TANC2: variants seen among roughly 807,000 people sequenced by gnomAD.
TANC2 encodes the protein tetratricopeptide repeat, ankyrin repeat and coiled-coil containing 2.
In TANC2, 26 loss-of-function variants were observed where a neutral mutation model predicts 210.5. The observed-to-expected ratio is 0.12, with a 90% CI of 0.09 to 0.17. The LOEUF (loss-of-function observed/expected upper bound fraction) is 0.17, where lower values mean the gene tolerates loss of function less well. TANC2 is among the 10% of genes least tolerant of loss of function. TANC2 has a pLI of 1.00. For synonymous variants in TANC2, 931 were observed against 967.1 expected, an observed-to-expected ratio of 0.96 and a Z score of 0.69; for missense variants, 2,129 against 2,608.9, an observed-to-expected ratio of 0.82 and a Z score of 4.01.
intron 6 of TANC2, among the ~76,000 whole-genome samples, chr17:63,194,846 G>T (rs77617007): frequency 6.6e-6 from 1 of 151,632 alleles, no homozygotes; most frequent in African/African-American, 2.4e-5. Context: ...ATATTTTATA[G>T]TTTTCTTTCT....
intron 2 of TANC2, among the ~76,000 whole-genome samples, chr17:63,018,471 A>C: frequency 6.7e-6 from 1 of 149,950 alleles, no homozygotes; most frequent in African/African-American, 2.4e-5. Flanking sequence ...ACAGAGTGAG[A>C]CTCTGTCTCA....
At chr17:63,401,971 C>A (rs935660378) in intron 19 of TANC2, among the ~76,000 whole-genome samples, 1 of 152,214 alleles carries the variant, frequency 6.6e-6, no homozygotes, top group Non-Finnish European at 1.5e-5. Flanking sequence ...TTTTGTGATA[C>A]ATCTCTCAGA....
intron 7 of TANC2, among the ~76,000 whole-genome samples, chr17:63,205,756 A>G (rs923648310): frequency 8.6e-5 from 13 of 152,016 alleles, no homozygotes; most frequent in Admixed American, 7.2e-4. Flanking sequence ...CATCTCTACT[A>G]AAGATATAAA....
At chr17:63,262,070 G>A (rs1567862668) in intron 8 of TANC2, among the ~76,000 whole-genome samples, 1 of 152,074 alleles carries the variant, frequency 6.6e-6, no homozygotes, top group Non-Finnish European at 1.5e-5. Context: ...ATAAGGGAAA[G>A]GAGGCGAGAA....
chr17:63,016,281 A>T (rs563709970), intron 2 of TANC2, among the ~76,000 whole-genome samples: 1 of 152,374 alleles, frequency 6.6e-6, no homozygotes, highest in South Asian at 2.1e-4. Flanking sequence ...TATAGCAATT[A>T]AAAACATCAT....
At chr17:63,417,472 C>G (rs2048899910) in intron 26 of TANC2, among the ~76,000 whole-genome samples, 1 of 152,066 alleles carries the variant, frequency 6.6e-6, no homozygotes, top group Non-Finnish European at 1.5e-5. Context: ...AATGACATGC[C>G]TGTGAGCGTG....
chr17:63,212,889 T>G (rs1212343754), intron 7 of TANC2, among the ~76,000 whole-genome samples: 1 of 152,238 alleles, frequency 6.6e-6, no homozygotes, highest in Non-Finnish European at 1.5e-5. Context: ...GATCTCATGT[T>G]TTCAACAAAT....
chr17:63,383,500 A>G (rs868763079), intron 15 of TANC2, among the ~76,000 whole-genome samples: 2 of 152,196 alleles, frequency 1.3e-5, no homozygotes, highest in African/African-American at 4.8e-5. Flanking sequence ...ACTTAGCAAT[A>G]TGCATTTAAG....
At chr17:63,012,707 A>C (rs1453150221) in intron 2 of TANC2, among the ~76,000 whole-genome samples, 1 of 152,222 alleles carries the variant, frequency 6.6e-6, no homozygotes, top group African/African-American at 2.4e-5. Flanking sequence ...GCTACAATGC[A>C]GTGGCACTAT....
rs1356444167 is a variant in TANC2, at chr17:62,982,488, A to G, written c.-24+15739A>G. ...TCCTTTGAATTTATTTCCTTCAATG[A>G]ATTTGTCTTCCAATTTACCTCAACC... is the stretch of plus-strand genomic sequence containing the variant. On this transcript the variant is annotated intron_variant, in intron 1 of 27. Transcript: ENST00000689528. Among the ~76,000 whole-genome samples the G allele has an allele frequency of 4.6e-5, 7 of 152,158 alleles. No homozygotes were observed. In the East Asian group the frequency reaches 1.2e-3, roughly 25 times the overall value.
rs1237501617 is a variant in TANC2 at position 63,305,947 on chromosome 17, AGAATT to A, written c.1160-8438_1160-8434del. 2.0e-5 allele frequency among the ~76,000 whole-genome samples: 3 copies of A among 152,224 alleles called. No homozygotes were observed. In the East Asian group the frequency reaches 5.8e-4, roughly 29 times the overall value. ...GCAGGGTGTGAGGCGTGGACAGGAC[AGAATT>A]GAGCCATGTTACAGAAAGCCGTCAG... On this transcript the variant is annotated intron_variant, in intron 9 of 27. Coordinates refer to ENST00000689528, the Ensembl canonical transcript of TANC2.
intron 7 of TANC2, among the ~76,000 whole-genome samples, chr17:63,232,848 C>G (rs1204254130): frequency 6.6e-6 from 1 of 152,246 alleles, no homozygotes; most frequent in African/African-American, 2.4e-5. Flanking sequence ...TCAGAGCCAG[C>G]AGCGGGAAAG....
Position 63,413,645 on chromosome 17 carries a change from G to A in TANC2, c.4020+11G>A, listed in dbSNP as rs747335638. On this transcript the variant is annotated intron_variant, in intron 25 of 27. Transcript: ENST00000689528. The stretch of plus-strand genomic sequence containing the variant: ...GACATGTTTTATAAGGTGAGGGGAG[G>A]GAGGGACACAGTTTCTTCAGAACAG... 43 of 1,582,138 alleles carry A rather than the reference G, an allele frequency of 2.7e-5. No homozygotes were observed. The East Asian group carries it at 6.9e-4, about 25-fold the overall frequency.
chr17:63,045,800 T>TA (rs1282400151), intron 2 of TANC2, among the ~76,000 whole-genome samples: 4 of 152,062 alleles, frequency 2.6e-5, no homozygotes, highest in African/African-American at 4.8e-5. Context: ...TCTTTTTATT[T>TA]AAAAAAATTA....
chr17:63,298,558 T>C (rs1004091931), intron 9 of TANC2, among the ~76,000 whole-genome samples: 7 of 152,266 alleles, frequency 4.6e-5, no homozygotes, highest in African/African-American at 1.4e-4. Flanking sequence ...TTTAGTAATA[T>C]AGGGTTTTAT....
chr17:63,395,321 T>C (rs1054200136), intron 17 of TANC2, among the ~76,000 whole-genome samples: 2 of 152,208 alleles, frequency 1.3e-5, no homozygotes, highest in African/African-American at 4.8e-5. Context: ...GGCCAAAAAA[T>C]TGTAGCTTCA....
chr17:63,057,967 G>A (rs1598330206), intron 2 of TANC2, among the ~76,000 whole-genome samples: 2 of 152,226 alleles, frequency 1.3e-5, no homozygotes, highest in African/African-American at 2.4e-5. Flanking sequence ...GAATTGCTGG[G>A]TTGAATAGTA....
chr17:63,398,961 G>A (rs766597078), intron 19 of TANC2, 47 bp downstream of exon 19: 3 of 1,393,476 alleles, frequency 2.2e-6, no homozygotes, highest in Non-Finnish European at 3.0e-6. Context: ...TGTTTGTGTG[G>A]ACTCTCGAAT....
chr17:63,371,335 G>A (rs1004448087), intron 14 of TANC2, among the ~76,000 whole-genome samples: 13 of 151,952 alleles, frequency 8.6e-5, no homozygotes, highest in African/African-American at 2.2e-4. Flanking sequence ...GCGTGGTGGC[G>A]TGCACCTGTA....
Sources: allele counts gnomAD v4.1 joint callset (sites outside exome capture counted in the v4.1 genomes callset), GRCh38; gene constraint gnomAD v4.1.1; transcripts MANE v1.5; gene names NCBI Gene and HGNC (gene_info 2026-07-23, HGNC 2026-07-21).